Variants in TMC7 observed in about 807,000 individuals in gnomAD.
The protein encoded by TMC7 is transmembrane channel like 7.
A neutral mutation model predicts 82.9 loss-of-function variants in TMC7; 54 were observed. That is an observed-to-expected ratio of 0.65 (90% confidence interval 0.52 to 0.82). The LOEUF (loss-of-function observed/expected upper bound fraction) is 0.82, where lower values mean the gene tolerates loss of function less well. Ranked by LOEUF, TMC7 falls within the 40% of genes least tolerant of loss-of-function variation. TMC7 has a pLI of 0.00. For missense variants in TMC7, 820 were observed against 901.2 expected, an observed-to-expected ratio of 0.91 and a Z score of 1.15; for synonymous variants, 350 against 337.9, an observed-to-expected ratio of 1.04 and a Z score of -0.39.
chr16:18,998,827 AG>A (rs2039091652), intron 1 of TMC7, among the ~76,000 whole-genome samples: 1 of 151,630 alleles, frequency 6.6e-6, no homozygotes, highest in African/African-American at 2.4e-5. Context: ...TGATGGAGTT[AG>A]TCACTGCTCC....
intron 9 of TMC7, among the ~76,000 whole-genome samples, chr16:19,041,078 G>T (rs1960992921): frequency 1.3e-5 from 2 of 149,818 alleles, no homozygotes; most frequent in African/African-American, 4.9e-5. Flanking sequence ...TTTTTTTTTT[G>T]TAGAGACAGG....
intron 1 of TMC7, 103 bp downstream of exon 1, chr16:18,984,233 A>C (rs2038802601): frequency 9.6e-6 from 13 of 1,354,370 alleles, no homozygotes; most frequent in Non-Finnish European, 1.1e-5. Flanking sequence ...GTTCCCTCCC[A>C]CCCCCGACGC....
Position 19,050,144 on chromosome 16 carries a change from G to A in TMC7, c.1741-1542G>A, listed in dbSNP as rs148914150. Among the ~76,000 whole-genome samples, 1,220 of 151,998 alleles carry A rather than the reference G, an allele frequency of 8.0e-3. 6 individuals carry two copies. The highest frequency in any genetic ancestry group is 0.012 in the Non-Finnish European group (839 of 67,998). On this transcript the variant is annotated intron_variant, in intron 12 of 15. Transcript: ENST00000304381. Reference sequence around the variant, plus strand: ...CCCAGCACTTTGGGAGGCCGAGGCCGGTGGATCACGAGGTCAGGAGATCGA... The same window carrying A: ...CCCAGCACTTTGGGAGGCCGAGGCCAGTGGATCACGAGGTCAGGAGATCGA...
At chr16:19,045,192 G>A in intron 10 of TMC7, 149 bp from the exon 11 acceptor site, 1 of 828,432 alleles carries the variant, frequency 1.2e-6, no homozygotes, top group Non-Finnish European at 2.0e-6. Context: ...ACCAAGGTCT[G>A]TGCTGAGGCT....
chr16:18,994,696 GGATAGGGAA>G (rs764363413), intron 1 of TMC7, among the ~76,000 whole-genome samples: 1 of 152,032 alleles, frequency 6.6e-6, no homozygotes, highest in Non-Finnish European at 1.5e-5. Context: ...ACCACGGGGT[GGATAGGGAA>G]GATAATTTGG....
At chr16:19,034,326 C>T (rs1359892355) in intron 6 of TMC7, among the ~76,000 whole-genome samples, 5 of 152,034 alleles carry the variant, frequency 3.3e-5, no homozygotes, top group African/African-American at 9.7e-5. Flanking sequence ...GGGCTAGGTG[C>T]GGTGGCTCAT....
In TMC7 at chr16:19,028,999, T is replaced by TTTTA. The variant is rs544120946; in HGVS notation, c.712-1205_712-1202dup. On this transcript the variant is annotated intron_variant, in intron 5 of 15. Transcript: ENST00000304381. ...AAAAATTTTTAATTGTTTTATTTTA[T>TTTTA]TTTATTTATTTATTTATTTATTTTG... Among the ~76,000 whole-genome samples, 626 of 149,624 alleles carry TTTTA rather than the reference T, an allele frequency of 4.2e-3. 4 individuals are homozygous for TTTTA. The highest frequency in any genetic ancestry group is 0.014 in the African/African-American group (559 of 40,772).
At chr16:18,987,455 C>A (rs545132835) in intron 1 of TMC7, among the ~76,000 whole-genome samples, 1 of 152,184 alleles carries the variant, frequency 6.6e-6, no homozygotes. Context: ...GGACTACAGG[C>A]ACGTGCCACC....
chr16:19,033,818 G>C (rs532547205), intron 6 of TMC7: 1 of 152,348 alleles, frequency 6.6e-6, no homozygotes, highest in Admixed American at 6.5e-5. Flanking sequence ...AAAATCTCAG[G>C]TAAGAAACCA....
intron 9 of TMC7, 110 bp downstream of exon 9, chr16:19,040,556 C>T: frequency 3.1e-6 from 3 of 975,752 alleles, no homozygotes; most frequent in East Asian, 2.4e-5. Context: ...CCTGCTGAGC[C>T]AAGAGTCCTC....
chr16:19,033,238 A>G (rs1265040509), intron 6 of TMC7, among the ~76,000 whole-genome samples: 1 of 152,082 alleles, frequency 6.6e-6, no homozygotes, highest in African/African-American at 2.4e-5. Context: ...AAATCTTAGC[A>G]CTCTGCCTGG....
chr16:19,042,253 C>A (rs1374135682), intron 9 of TMC7, among the ~76,000 whole-genome samples: 1 of 152,026 alleles, frequency 6.6e-6, no homozygotes, highest in Non-Finnish European at 1.5e-5. Context: ...TAGGTCACTG[C>A]AGCCTTGACC....
intron 9 of TMC7, among the ~76,000 whole-genome samples, chr16:19,041,571 C>G (rs1343443113): frequency 6.6e-6 from 1 of 151,962 alleles, no homozygotes; most frequent in East Asian, 1.9e-4. Context: ...GGGGTTTCAC[C>G]ATGTTGGCCA....
intron 14 of TMC7, among the ~76,000 whole-genome samples, chr16:19,057,388 A>C (rs996013851): frequency 5.9e-5 from 9 of 152,210 alleles, no homozygotes; most frequent in African/African-American, 2.2e-4. Context: ...ACCACTTATA[A>C]GCCATGAATA....
rs1447477290 is a variant in TMC7, at chr16:19,061,994, C to T, written c.*151C>T. 1 of 518,180 alleles carries T rather than the reference C, an allele frequency of 1.9e-6. No homozygotes were observed. Among genetic ancestry groups the T allele is most frequent in the East Asian group, 3.3e-5 (1 of 30,150 alleles). The allele number at this position is 518,180 out of a possible 1,614,324, so 32.1% of individuals were successfully genotyped here. On this transcript the variant is annotated 3_prime_UTR_variant, in exon 16 of 16. Transcript: ENST00000304381. The stretch of plus-strand genomic sequence containing the variant: ...TTTTCCATATGTGCAGCTGTGTTTA[C>T]CTAACCCAGCCCTTAATTAGGGCTT...
At chr16:19,031,268 C>G (rs1480750686) in intron 6 of TMC7, among the ~76,000 whole-genome samples, 1 of 152,164 alleles carries the variant, frequency 6.6e-6, no homozygotes, top group Non-Finnish European at 1.5e-5. Flanking sequence ...AGCCGTGACC[C>G]TTCCACCGTT....
chr16:18,993,211 A>T (rs184820463), intron 1 of TMC7, among the ~76,000 whole-genome samples: 21 of 152,324 alleles, frequency 1.4e-4, no homozygotes, highest in African/African-American at 4.3e-4. Context: ...ATAGGACTTC[A>T]TCAGGGTGAA....
At chr16:19,047,008 G>T in intron 11 of TMC7, 55 bp from the exon 12 acceptor site, 1 of 1,453,624 alleles carries the variant, frequency 6.9e-7, no homozygotes, top group African/African-American at 1.4e-5. Flanking sequence ...TTTGTGATAT[G>T]GTTCTGTGGC....
At chr16:19,017,979 G>A (rs1959785391) in intron 3 of TMC7, among the ~76,000 whole-genome samples, 1 of 152,026 alleles carries the variant, frequency 6.6e-6, no homozygotes, top group African/African-American at 2.4e-5. Flanking sequence ...TCCAAAAAAA[G>A]CTTTAAAAAT....
Sources: allele counts gnomAD v4.1 joint callset (sites outside exome capture counted in the v4.1 genomes callset), GRCh38; gene constraint gnomAD v4.1.1; transcripts MANE v1.5; gene names NCBI Gene and HGNC (gene_info 2026-07-23, HGNC 2026-07-21).